The following CDK8 variants were observed in gnomAD, a reference collection of about 807,000 sequenced individuals.
CDK8 encodes the protein cyclin dependent kinase 8.
Under a neutral mutation model 71.5 loss-of-function variants are expected in CDK8, and 29 were observed. That is an observed-to-expected ratio of 0.41 (90% CI 0.30 to 0.55). The LOEUF (loss-of-function observed/expected upper bound fraction) is 0.55, where lower values mean the gene tolerates loss of function less well. CDK8 is among the 20% of genes least tolerant of loss of function. CDK8 has a pLI of 0.37. For synonymous variants in CDK8, 161 were observed against 192.1 expected (o/e 0.84, Z 1.34); for missense variants, 288 against 572.6 (o/e 0.50, Z 5.07).
chr13:26,389,827 G>T (rs898732822), intron 6 of CDK8, among the ~76,000 whole-genome samples: 2 of 151,786 alleles, frequency 1.3e-5, no homozygotes, highest in Admixed American at 6.6e-5. Context: ...GTGAAACTCC[G>T]TCTCTACTAA....
In CDK8 at chr13:26,299,179, A is replaced by C. The variant is rs571296727; in HGVS notation, c.129-38388A>C. On this transcript the variant is annotated intron_variant, in intron 1 of 12. Transcript: ENST00000381527. ...ATGTCTTTAGAATTGTTACTTCCTT[A>C]GGAAGGATTAATGCTAAAGTCAGGA... Among the ~76,000 whole-genome samples the C allele has an allele frequency of 3.9e-5, 6 of 152,302 alleles. No homozygotes were observed. In the South Asian group the frequency reaches 1.2e-3, roughly 32 times the overall value.
At chr13:26,383,678 T>C (rs1452219186) in intron 5 of CDK8, among the ~76,000 whole-genome samples, 1 of 152,230 alleles carries the variant, frequency 6.6e-6, no homozygotes, top group Non-Finnish European at 1.5e-5. Flanking sequence ...TAACAGCTGA[T>C]TTGTATCACT....
intron 1 of CDK8, among the ~76,000 whole-genome samples, chr13:26,281,671 G>A (rs942761447): frequency 4.8e-5 from 5 of 104,404 alleles, no homozygotes; most frequent in African/African-American, 7.7e-5. Context: ...AAATAACTCA[G>A]AAGGTTGATT....
chr13:26,348,108 A>G (rs1296380027), intron 2 of CDK8, among the ~76,000 whole-genome samples: 1 of 152,044 alleles, frequency 6.6e-6, no homozygotes, highest in African/African-American at 2.4e-5. Context: ...ATATATAGAT[A>G]TGCATAGAGT....
chr13:26,377,206 C>T (rs747439890), intron 4 of CDK8, among the ~76,000 whole-genome samples: 25 of 152,256 alleles, frequency 1.6e-4, no homozygotes, highest in Admixed American at 1.3e-4. Flanking sequence ...TATCCCCCAA[C>T]AGGGGGTGCA....
intron 2 of CDK8, among the ~76,000 whole-genome samples, chr13:26,342,667 G>C (rs551751383): frequency 6.6e-6 from 1 of 152,204 alleles, no homozygotes; most frequent in South Asian, 2.1e-4. Context: ...ATCCTCAGTG[G>C]CCATTCTCTT....
intron 2 of CDK8, among the ~76,000 whole-genome samples, chr13:26,342,380 A>G (rs1873281499): frequency 6.6e-6 from 1 of 152,210 alleles, no homozygotes; most frequent in Non-Finnish European, 1.5e-5. Context: ...ACAGCGTCAA[A>G]CACACAGGAA....
At chr13:26,290,071 ATGT>A (rs1873225269) in intron 1 of CDK8, among the ~76,000 whole-genome samples, 1 of 152,212 alleles carries the variant, frequency 6.6e-6, no homozygotes, top group Non-Finnish European at 1.5e-5. Context: ...AGTAGTCCAA[ATGT>A]TGTATTAAAT....
At chr13:26,355,011 A>C (rs115930315) in intron 4 of CDK8, among the ~76,000 whole-genome samples, 132 of 152,236 alleles carry the variant, frequency 8.7e-4, no homozygotes, top group African/African-American at 3.1e-3. Flanking sequence ...GTCTCTAATC[A>C]CCTGTATACA....
intron 4 of CDK8, among the ~76,000 whole-genome samples, chr13:26,354,497 G>A (rs1873810923): frequency 6.6e-6 from 1 of 152,130 alleles, no homozygotes; most frequent in South Asian, 2.1e-4. Context: ...CCAACCCCCA[G>A]GCCACAGACC....
chr13:26,396,594 C>A (rs565054333), intron 8 of CDK8, among the ~76,000 whole-genome samples: 6 of 152,184 alleles, frequency 3.9e-5, no homozygotes, highest in South Asian at 2.1e-4. Context: ...AAATTCATGT[C>A]TTTCCATATT....
chr13:26,401,957 G>C lies in CDK8; in HGVS notation c.1269+333G>C, dbSNP rs1454528307. Among the ~76,000 whole-genome samples, 1 of 152,202 alleles carries C rather than the reference G, an allele frequency of 6.6e-6. No homozygotes were observed. The highest frequency in any genetic ancestry group is 2.4e-5 in the African/African-American group (1 of 41,464). On this transcript the variant is annotated intron_variant, in intron 12 of 12. Transcript: ENST00000381527. The surrounding 1 kb of genome is among the most constrained non-coding windows in gnomAD (Gnocchi z 4.5). ...CAGCTGTTGTCAGATTAGACATGAA[G>C]TGGCTTGACACCTAGCTTATGGTAG...
chr13:26,307,499 T>G (rs1364009725), intron 1 of CDK8, among the ~76,000 whole-genome samples: 2 of 152,206 alleles, frequency 1.3e-5, no homozygotes, highest in Non-Finnish European at 2.9e-5. Flanking sequence ...GATTATCCCC[T>G]AGGGACTCCA....
At chr13:26,278,070 A>G (rs1437221076) in intron 1 of CDK8, among the ~76,000 whole-genome samples, 1 of 152,202 alleles carries the variant, frequency 6.6e-6, no homozygotes, top group African/African-American at 2.4e-5. Flanking sequence ...TCTTTCTACA[A>G]ATGGTTTCAA....
At chr13:26,357,993 A>G (rs1376178644) in intron 4 of CDK8, among the ~76,000 whole-genome samples, 3 of 152,186 alleles carry the variant, frequency 2.0e-5, no homozygotes, top group Non-Finnish European at 4.4e-5. Context: ...GGTCCAGCCA[A>G]ATTTACACAT....
chr13:26,398,880 C>T (rs536841834), intron 9 of CDK8, among the ~76,000 whole-genome samples: 13 of 150,980 alleles, frequency 8.6e-5, no homozygotes, highest in Non-Finnish European at 1.2e-4. Context: ...AGGAGAATCG[C>T]TTGAACCCAG....
chr13:26,283,229 A>G (rs139455438), intron 1 of CDK8, among the ~76,000 whole-genome samples: 167 of 152,338 alleles, frequency 1.1e-3, no homozygotes, highest in African/African-American at 3.9e-3. Context: ...ATTCCACCCA[A>G]CAACTGCAGA....
intron 4 of CDK8, among the ~76,000 whole-genome samples, chr13:26,364,841 A>G (rs1329183315): frequency 6.6e-6 from 1 of 152,148 alleles, no homozygotes; most frequent in East Asian, 1.9e-4. Flanking sequence ...AGCGGAAAGG[A>G]CCCTGAAATT....
chr13:26,306,616 A>C (rs946336511), intron 1 of CDK8, among the ~76,000 whole-genome samples: 1 of 124,876 alleles, frequency 8.0e-6, no homozygotes. Flanking sequence ...TTTGCCCCTT[A>C]TTGCTCTTTT....
Sources: gnomAD v4.1 joint callset for allele counts (sites outside exome capture counted in the v4.1 genomes callset) on GRCh38, gnomAD v4.1.1 for gene constraint, Gnocchi (gnomAD v3.1) non-coding constraint, MANE v1.5 for transcripts, NCBI Gene and HGNC (gene_info 2026-07-23, HGNC 2026-07-21) for gene names.